The following SETX variants were observed in gnomAD, a reference collection of about 807,000 sequenced individuals.
SETX encodes the protein senataxin.
In SETX, 90 loss-of-function variants were observed where a neutral mutation model predicts 227.2. That is an observed-to-expected ratio of 0.40 (90% CI 0.33 to 0.47). The LOEUF (loss-of-function observed/expected upper bound fraction) is 0.47. Ranked by LOEUF, SETX falls within the 20% of genes least tolerant of loss-of-function variation. The pLI is 0.91. For synonymous variants in SETX, 1,210 were observed against 1,113.2 expected (o/e 1.09, Z -1.73); for missense variants, 3,052 against 3,181.5 (o/e 0.96, Z 0.98).
intron 11 of SETX, among the ~76,000 whole-genome samples, chr9:132,309,100 T>G (rs1458547933): frequency 1.3e-5 from 2 of 152,120 alleles, no homozygotes; most frequent in Non-Finnish European, 2.9e-5. Context: ...ATCGCGCCAC[T>G]GCACTCCAGT....
chr9:132,356,289 G>A (rs1475650304), upstream of SETX, among the ~76,000 whole-genome samples: 4 of 151,746 alleles, frequency 2.6e-5, no homozygotes, highest in Non-Finnish European at 4.4e-5. Flanking sequence ...TGCAACCTCC[G>A]CCTCCTGGGT....
chr9:132,276,930 A>T, intron 22 of SETX, 130 bp downstream of exon 22: 1 of 794,126 alleles, frequency 1.3e-6, no homozygotes, highest in Non-Finnish European at 2.2e-6. Flanking sequence ...GCATCAACTT[A>T]AGTGAACATG....
chr9:132,322,178 T>A (rs1846403983), intron 10 of SETX, among the ~76,000 whole-genome samples: 1 of 152,184 alleles, frequency 6.6e-6, no homozygotes, highest in South Asian at 2.1e-4. Context: ...AACCTATTGC[T>A]AATCAAATTT....
At chr9:132,295,719 G>C (rs1844628896) in intron 15 of SETX, among the ~76,000 whole-genome samples, 153 bp downstream of exon 15, 1 of 152,164 alleles carries the variant, frequency 6.6e-6, no homozygotes, top group Admixed American at 6.5e-5. Flanking sequence ...CAGGGTAAAT[G>C]TTCAATGAAA....
chr9:132,286,033 A>T lies in SETX; in HGVS notation c.6396+390T>A, dbSNP rs551769477. 5.0e-3 allele frequency among the ~76,000 whole-genome samples: 712 copies of T among 142,226 alleles called. 4 individuals are homozygous for T. Among genetic ancestry groups the T allele is most frequent in the African/African-American group, 0.018 (681 of 38,046 alleles). The allele number at this position is 142,226 out of a possible 152,430, so 93.3% of individuals were successfully genotyped here. On this transcript the variant is annotated intron_variant, in intron 18 of 25. Coordinates refer to ENST00000224140, the MANE Select transcript of SETX (RefSeq NM_015046.7). ...CCCCGTCTCTACTAACAATGCAAAA[A>T]TTAGCTGGGCGTGGTGGCACACGCC...
chr9:132,299,451 C>T (rs1844859072), intron 12 of SETX, among the ~76,000 whole-genome samples: 1 of 152,190 alleles, frequency 6.6e-6, no homozygotes. Flanking sequence ...ATCCTCACTG[C>T]AACTCTTCTA....
intron 14 of SETX, 38 bp downstream of exon 14, chr9:132,296,849 A>G: frequency 6.3e-7 from 1 of 1,586,638 alleles, no homozygotes; most frequent in Non-Finnish European, 8.7e-7. Flanking sequence ...AAAATGATAC[A>G]GCTAGTTAAC....
At chr9:132,330,874 T>TA (rs1366916047) in intron 9 of SETX, among the ~76,000 whole-genome samples, 178 bp downstream of exon 9, 1 of 152,294 alleles carries the variant, frequency 6.6e-6, no homozygotes, top group East Asian at 1.9e-4. Flanking sequence ...ATACTGTAGT[T>TA]AGAGTCCATC....
Position 132,328,798 on chromosome 9 carries a change from T to C in SETX, c.2800A>G (p.Ile934Val). Residue 934 changes from isoleucine (I) to valine (V), a missense_variant, in exon 10 of 26, where the codon ATT becomes GTT. Ile to Val is a conservative substitution (Grantham distance 29, BLOSUM62 3). Coordinates refer to ENST00000224140, the MANE Select transcript of SETX (RefSeq NM_015046.7). ...DEEMSNSTSV[I>V]YSNLTREQAP... The stretch of plus-strand genomic sequence containing the variant: ...TGTTCTCTTGTCAAGTTAGAATAAA[T>C]CACACTGGTACTATTACTCATCTCC... The C allele has an allele frequency of 6.2e-7, 1 of 1,611,140 alleles. No individual in the cohort carries two copies. The highest frequency in any genetic ancestry group is 1.1e-5 in the South Asian group (1 of 90,402).
intron 10 of SETX, among the ~76,000 whole-genome samples, chr9:132,314,098 C>CT (rs111489504): frequency 0.042 from 6,267 of 149,252 alleles, 443 homozygotes; most frequent in African/African-American, 0.15. Flanking sequence ...GCCCAGCTCA[C>CT]TTTTTTTTTT....
intron 5 of SETX, among the ~76,000 whole-genome samples, chr9:132,337,045 G>A (rs1353775631): frequency 2.6e-5 from 4 of 152,124 alleles, no homozygotes; most frequent in Non-Finnish European, 5.9e-5. Context: ...CAGCCTGGGC[G>A]ACAAGAGTAA....
chr9:132,269,383 ATT>A (rs1564468774), intron 25 of SETX: 2 of 1,504,170 alleles, frequency 1.3e-6, no homozygotes, highest in Non-Finnish European at 1.8e-6. Context: ...GATGTGGATA[ATT>A]TGTTTTAAAA....
Position 132,328,523 on chromosome 9 carries a change from T to TTCA in SETX, c.3072_3074dup (p.Asp1024dup), listed in dbSNP as rs572772837. On this transcript the variant is annotated inframe_insertion, in exon 10 of 26. Transcript: ENST00000224140. ...TGAGTTTCTCAAGACTCAGGATTCT[T>TTCA]TCATCATCATCATCATCAGAATCTG... The TTCA allele has an allele frequency of 1.4e-3, 2,243 of 1,613,952 alleles. 11 individuals carry two copies. Among genetic ancestry groups the TTCA allele is most frequent in the Non-Finnish European group, 1.3e-3 (1,477 of 1,179,992 alleles).
Position 132,330,604 on chromosome 9 carries a change from G to A in SETX, c.1099-105C>T, listed in dbSNP as rs184472207. 33 of 928,626 alleles carry A rather than the reference G, an allele frequency of 3.6e-5. No homozygotes were observed. In the East Asian group the frequency reaches 8.3e-4, roughly 23 times the overall value. 57.5% of individuals were successfully genotyped at this position (928,626 alleles called of 1,614,324 possible). On this transcript the variant is annotated intron_variant, in intron 9 of 25. Coordinates refer to ENST00000224140, the MANE Select transcript of SETX (RefSeq NM_015046.7). ...TACGTTTCTCAACTCTCTTATTTTGGTTTACCACATCATTATTATGCTATA... is the reference window on the plus strand; with the variant it reads ...TACGTTTCTCAACTCTCTTATTTTGATTTACCACATCATTATTATGCTATA...
In SETX at chr9:132,261,601, A is replaced by G. The variant is rs964205020; in HGVS notation, c.*2638T>C. ...CGCAGCTATTAATTCACAGCATAGA[A>G]AAGTCAAAGCTATAGCAAAAAATTG... On this transcript the variant is annotated 3_prime_UTR_variant, in exon 26 of 26. Coordinates refer to ENST00000224140, the MANE Select transcript of SETX (RefSeq NM_015046.7). The G allele has an allele frequency of 6.5e-6, 1 of 152,852 alleles. No homozygotes were observed. Among genetic ancestry groups the G allele is most frequent in the African/African-American group, 2.4e-5 (1 of 41,458 alleles). The allele number at this position is 152,852 out of a possible 1,614,324, so 9.5% of individuals were successfully genotyped here. A position where few individuals can be genotyped will look rare whatever the true frequency, so the allele number is the denominator to read the frequency against.
In SETX at chr9:132,346,228, T is replaced by G. The variant is rs142117060; in HGVS notation, c.388+33A>C. 343 of 1,524,370 alleles carry G rather than the reference T, an allele frequency of 2.3e-4. 1 individual carries two copies. In the African/African-American group the frequency reaches 4.3e-3, roughly 19 times the overall value. The allele number at this position is 1,524,370 out of a possible 1,614,324, so 94.4% of individuals were successfully genotyped here. On this transcript the variant is annotated intron_variant, in intron 4 of 25. Coordinates refer to ENST00000224140, the MANE Select transcript of SETX (RefSeq NM_015046.7). ...TCTTATGGTACTAAAATAATAAAAC[T>G]GATATAACTTGAGGAACCATCAAGA...
chr9:132,280,298 A>G (rs1384470364), intron 20 of SETX, among the ~76,000 whole-genome samples: 3 of 151,490 alleles, frequency 2.0e-5, no homozygotes, highest in East Asian at 1.9e-4. Context: ...TTTTTTTCTA[A>G]TTTTTGTTGT....
chr9:132,349,556 A>C (rs1848498032), intron 2 of SETX, 121 bp from the exon 3 acceptor site: 2 of 937,794 alleles, frequency 2.1e-6, no homozygotes, highest in Admixed American at 2.1e-5. Context: ...CTAAAACCCA[A>C]ATCTTCTGCT....
At position 132,292,620 on chromosome 9, in the gene SETX, AACTCAT is replaced by A. The variant is rs1415909545; in HGVS notation, c.6106+3246_6106+3251del. Reference sequence around the variant, plus strand: ...TCCAAAGAATAACAAAAAAGTTCCCAACTCATTTTTTTTTTTTTTTTTTTTTGAGAC... The same window carrying A: ...TCCAAAGAATAACAAAAAAGTTCCCATTTTTTTTTTTTTTTTTTTTGAGAC... On this transcript the variant is annotated intron_variant, in intron 15 of 25. Coordinates refer to ENST00000224140, the MANE Select transcript of SETX (RefSeq NM_015046.7). 2.7e-4 allele frequency among the ~76,000 whole-genome samples: 40 copies of A among 149,336 alleles called. 1 individual carries two copies. The East Asian group carries it at 8.0e-3, about 30-fold the overall frequency.
Sources: allele counts gnomAD v4.1 joint callset (sites outside exome capture counted in the v4.1 genomes callset), GRCh38; gene constraint gnomAD v4.1.1; transcripts MANE v1.5; gene names NCBI Gene and HGNC (gene_info 2026-07-23, HGNC 2026-07-21).